RIMBP2: variants seen among roughly 807,000 people sequenced by gnomAD.
RIMBP2 encodes the protein RIMS-binding protein 2.
RIMBP2 carries 48 observed loss-of-function variants against 118.6 expected under a neutral mutation model. The ratio of observed to expected loss-of-function variants is 0.40; its 90% CI spans 0.32 to 0.51. The LOEUF (loss-of-function observed/expected upper bound fraction) is 0.51. Ranked by LOEUF, RIMBP2 falls within the 20% of genes least tolerant of loss-of-function variation. RIMBP2 has a pLI of 0.41. For synonymous variants in RIMBP2, 762 were observed against 742.9 expected, an observed-to-expected ratio of 1.03 and a Z score of -0.42; for missense variants, 1,551 against 1,768.3, an observed-to-expected ratio of 0.88 and a Z score of 2.20.
chr12:130,653,391 G>C (rs185493239), intron 1 of RIMBP2, among the ~76,000 whole-genome samples: 1 of 152,256 alleles, frequency 6.6e-6, no homozygotes. Context: ...CCTTGACTCC[G>C]TGCCCCACAT....
intron 1 of RIMBP2, among the ~76,000 whole-genome samples, chr12:130,646,365 C>G (rs945574522): frequency 0.017 from 1,943 of 111,170 alleles, 607 homozygotes; most frequent in Non-Finnish European, 0.027. Flanking sequence ...CTCACCACCT[C>G]CCTCACCACC....
At chr12:130,632,292 T>C (rs1297357479) in intron 1 of RIMBP2, among the ~76,000 whole-genome samples, 1 of 152,214 alleles carries the variant, frequency 6.6e-6, no homozygotes, top group African/African-American at 2.4e-5. Context: ...CACATCCTAT[T>C]CTGCTCCTCT....
chr12:130,412,600 A>C lies in RIMBP2; in HGVS notation c.3589+19T>G. Reference sequence around the variant, plus strand: ...GGGATAAAATGCACAGGGAAGGTCGAATAGGGGTTTGCGCTTACCTATTTT... The same window carrying C: ...GGGATAAAATGCACAGGGAAGGTCGCATAGGGGTTTGCGCTTACCTATTTT... On this transcript the variant is annotated intron_variant, in intron 19 of 22. Transcript: ENST00000690449. 1 of 1,610,644 alleles carries C rather than the reference A, an allele frequency of 6.2e-7. No individual in the cohort carries two copies. The highest frequency in any genetic ancestry group is 1.1e-5 in the South Asian group (1 of 90,674).
At chr12:130,478,849 G>A (rs1165826810) in intron 5 of RIMBP2, 63 bp downstream of exon 5, 44 of 1,259,744 alleles carry the variant, frequency 3.5e-5, no homozygotes, top group Non-Finnish European at 4.7e-5. Context: ...ACCACACCAG[G>A]GATCCCCGGC....
intron 3 of RIMBP2, among the ~76,000 whole-genome samples, chr12:130,509,726 G>GCACC (rs2050715096): frequency 6.8e-6 from 1 of 148,036 alleles, no homozygotes; most frequent in Non-Finnish European, 1.5e-5. Context: ...CATGCCCTCT[G>GCACC]CCCCCCCGCC....
intron 4 of RIMBP2, among the ~76,000 whole-genome samples, chr12:130,480,601 ATTTATT>A (rs1294661428): frequency 6.6e-6 from 1 of 151,940 alleles, no homozygotes; most frequent in Non-Finnish European, 1.5e-5. Flanking sequence ...ACTCATTTTT[ATTTATT>A]TTTATTTTTT....
chr12:130,561,662 G>A (rs1466030313), intron 2 of RIMBP2, among the ~76,000 whole-genome samples: 3 of 152,086 alleles, frequency 2.0e-5, no homozygotes, highest in Non-Finnish European at 2.9e-5. Context: ...GGTCATTTGC[G>A]GTAGCTCTGA....
At chr12:130,437,718 G>A (rs970851034) in intron 12 of RIMBP2, among the ~76,000 whole-genome samples, 19 of 152,188 alleles carry the variant, frequency 1.2e-4, no homozygotes, top group African/African-American at 4.6e-4. Context: ...CAGGGGCCAG[G>A]GCCCATGCTG....
chr12:130,680,400 G>A (rs1180601631), intron 1 of RIMBP2, among the ~76,000 whole-genome samples: 1 of 152,188 alleles, frequency 6.6e-6, no homozygotes, highest in Non-Finnish European at 1.5e-5. Flanking sequence ...AGAGCTGTGA[G>A]CACACAGATG....
At chr12:130,407,658 G>T in intron 20 of RIMBP2, 68 bp downstream of exon 20, 1 of 1,253,220 alleles carries the variant, frequency 8.0e-7, no homozygotes, top group Non-Finnish European at 1.2e-6. Context: ...TGGCCTCAGT[G>T]TGGTGTACCA....
chr12:130,676,410 G>A (rs1054409086), intron 1 of RIMBP2, among the ~76,000 whole-genome samples: 1 of 150,856 alleles, frequency 6.6e-6, no homozygotes, highest in Admixed American at 6.6e-5. Context: ...AGATCACAAG[G>A]TCCAGAGATG....
At chr12:130,496,544 CT>C (rs2049178355) in intron 4 of RIMBP2, among the ~76,000 whole-genome samples, 1 of 152,148 alleles carries the variant, frequency 6.6e-6, no homozygotes, top group South Asian at 2.1e-4. Flanking sequence ...CATCCACTTC[CT>C]GCAGGAGGGA....
intron 19 of RIMBP2, among the ~76,000 whole-genome samples, chr12:130,409,535 G>A (rs1002632488): frequency 2.6e-5 from 4 of 151,810 alleles, no homozygotes; most frequent in South Asian, 2.1e-4. Flanking sequence ...TTGTATAGAC[G>A]GGGTTTCACC....
chr12:130,475,737 A>G lies in RIMBP2; in HGVS notation c.102+3175T>C, dbSNP rs1161724216. On this transcript the variant is annotated intron_variant, in intron 5 of 22. Transcript: ENST00000690449. This position sits in a 1 kb window ranked among gnomAD's most constrained non-coding sequence, Gnocchi z 4.1. Reference sequence around the variant, plus strand: ...AGGAATGATGGGTACACAGAGAAGTAAGACAACAAGCAAACAAAAAAGGCA... The same window carrying G: ...AGGAATGATGGGTACACAGAGAAGTGAGACAACAAGCAAACAAAAAAGGCA... 2.0e-5 allele frequency among the ~76,000 whole-genome samples: 3 copies of G among 152,092 alleles called. No homozygotes were observed. The highest frequency in any genetic ancestry group is 7.2e-5 in the African/African-American group (3 of 41,410).
chr12:130,438,441 G>C lies in RIMBP2; in HGVS notation c.1580C>G (p.Pro527Arg), dbSNP rs1475686109. ...CAGCCCGGTGGGCGTCAGCACAGGTGGTCTCCAGGAGACCCGGATGGTGGC... is the reference window on the plus strand; with the variant it reads ...CAGCCCGGTGGGCGTCAGCACAGGTCGTCTCCAGGAGACCCGGATGGTGGC... ...TPATIRVSWR[P>R]PVLTPTGLSN... Residue 527 changes from proline to arginine, a missense_variant, in exon 12 of 23, where the codon CCA (proline) becomes CGA (arginine). Physicochemically the swap from Pro to Arg is moderately radical, Grantham distance 103. Coordinates refer to ENST00000690449, the MANE Select transcript of RIMBP2 (RefSeq NM_001393629.1). 6 of 1,613,456 alleles carry C rather than the reference G, an allele frequency of 3.7e-6. No individual in the cohort carries two copies. The highest frequency in any genetic ancestry group is 3.3e-4 in the Middle Eastern group (2 of 6,052).
At chr12:130,409,444 G>C (rs1304030727) in intron 19 of RIMBP2, among the ~76,000 whole-genome samples, 2 of 142,012 alleles carry the variant, frequency 1.4e-5, no homozygotes, top group Non-Finnish European at 3.0e-5. Context: ...CCGGGTTCAT[G>C]CGATTCTCCT....
chr12:130,661,716 C>T (rs1048799975), intron 1 of RIMBP2, among the ~76,000 whole-genome samples: 2 of 152,172 alleles, frequency 1.3e-5, no homozygotes, highest in African/African-American at 4.8e-5. Flanking sequence ...TGCTTAAGCA[C>T]AGTTTGGGTT....
In RIMBP2 at chr12:130,424,253, G is replaced by A. The variant is rs2076613881; in HGVS notation, c.3018C>T (p.Pro1006=). ...CACCCCGAAAATCTTGGTGCTCGGTGGGCTCGCCCCAGCCGTGCTTCCTGG... is the reference window on the plus strand; with the variant it reads ...CACCCCGAAAATCTTGGTGCTCGGTAGGCTCGCCCCAGCCGTGCTTCCTGG... ...PPPRKHGWGE[P]TEHQDFRGVW... is the part of the protein sequence containing the mutation. Residue 1006 remains proline (P), a synonymous_variant, in exon 16 of 23, where the codon CCC becomes CCT. Coordinates refer to ENST00000690449, the MANE Select transcript of RIMBP2 (RefSeq NM_001393629.1). This position sits in a 1 kb window ranked among gnomAD's most constrained non-coding sequence, Gnocchi z 9.8. 12 of 1,231,796 alleles carry A rather than the reference G, an allele frequency of 9.7e-6. No individual in the cohort carries two copies. The South Asian group carries it at 2.5e-4, about 25-fold the overall frequency. 76.3% of individuals were successfully genotyped at this position (1,231,796 alleles called of 1,614,324 possible). A position where few individuals can be genotyped will look rare whatever the true frequency, so the allele number is the denominator to read the frequency against.
At chr12:130,449,621 C>T (rs567616025) in intron 9 of RIMBP2, among the ~76,000 whole-genome samples, 23 of 152,134 alleles carry the variant, frequency 1.5e-4, no homozygotes, top group African/African-American at 5.1e-4. Context: ...CCTGGAAAGA[C>T]GCACTCATGG....
Sources: gnomAD v4.1 joint callset for allele counts (sites outside exome capture counted in the v4.1 genomes callset) on GRCh38, gnomAD v4.1.1 for gene constraint, Gnocchi (gnomAD v3.1) non-coding constraint, MANE v1.5 for transcripts, NCBI Gene and HGNC (gene_info 2026-07-23, HGNC 2026-07-21) for gene names.